Variants in INAVA observed in about 807,000 individuals in gnomAD.
INAVA encodes innate immunity activator protein.
A neutral mutation model predicts 55.3 loss-of-function variants in INAVA; 32 were observed. The ratio of observed to expected loss-of-function variants is 0.58; its 90% confidence interval spans 0.44 to 0.78. INAVA has a LOEUF of 0.78. Among genes scored for constraint, INAVA ranks in the 30% least tolerant of loss-of-function variants. The probability of loss-of-function intolerance (pLI) is 0.00; values close to 1 mark genes in which losing one functional copy is unlikely to be tolerated. For missense variants in INAVA, 756 were observed against 786.4 expected, an observed-to-expected ratio of 0.96 and a Z score of 0.46; for synonymous variants, 294 against 329.4, an observed-to-expected ratio of 0.89 and a Z score of 1.16.
Position 200,908,739 on chromosome 1 carries a change from A to C in INAVA, c.584A>C (p.Gln195Pro). ...TCTTTTACTCCTGCAGAGGAATCCCAAGTGCCAAAACCTCCTCCAGAGTCT... is the reference window on the plus strand; with the variant it reads ...TCTTTTACTCCTGCAGAGGAATCCCCAGTGCCAAAACCTCCTCCAGAGTCT... ...DGLLLEEEES[Q>P]VPKPPPESPA... is the part of the protein sequence containing the mutation. Residue 195 changes from glutamine to proline, a missense_variant, in exon 7 of 10, where the codon CAA becomes CCA. Coordinates refer to ENST00000413687, the MANE Select transcript of INAVA (RefSeq NM_001142569.3). The C allele has an allele frequency of 6.4e-7, 1 of 1,569,766 alleles. No homozygotes were observed. The highest frequency in any genetic ancestry group is 1.4e-5 in the African/African-American group (1 of 72,854).
chr1:200,910,269 C>T (rs1406564044), intron 8 of INAVA, among the ~76,000 whole-genome samples: 1 of 152,122 alleles, frequency 6.6e-6, no homozygotes, highest in Non-Finnish European at 1.5e-5. Flanking sequence ...TCTGCAGTGT[C>T]CAAGAATGAC....
intron 1 of INAVA, among the ~76,000 whole-genome samples, chr1:200,896,075 G>A (rs1204682264): frequency 1.3e-5 from 2 of 152,152 alleles, no homozygotes; most frequent in Admixed American, 6.5e-5. Context: ...GAGACGGGAG[G>A]CGTGCTAAGG....
intron 5 of INAVA, among the ~76,000 whole-genome samples, chr1:200,903,270 G>T (rs968363583): frequency 2.0e-5 from 3 of 152,224 alleles, no homozygotes; most frequent in Non-Finnish European, 4.4e-5. Flanking sequence ...CGGATCATGA[G>T]GTTAGGAGTT....
upstream of INAVA, among the ~76,000 whole-genome samples, chr1:200,892,224 A>C (rs1380691148): frequency 6.6e-6 from 1 of 152,010 alleles, no homozygotes; most frequent in Non-Finnish European, 1.5e-5. Context: ...GGGCTATTTC[A>C]CTTCTTCCTT....
intron 4 of INAVA, among the ~76,000 whole-genome samples, chr1:200,900,529 C>T (rs2102304685): frequency 6.6e-6 from 1 of 152,346 alleles, no homozygotes; most frequent in Admixed American, 6.5e-5. Flanking sequence ...ACAGGTTACT[C>T]TGGCCCCTAG....
In INAVA at chr1:200,908,838, G is replaced by A. The variant is rs777083397; in HGVS notation, c.683G>A (p.Ser228Asn). ...CAGCCAACAGGACCTGAGGCTGGGA[G>A]CCCAGAACGGGCTCCAGTCCAGAAC... ...GLQPTGPEAGSPERAPVQNSP... is the reference protein window; with the variant it reads ...GLQPTGPEAGNPERAPVQNSP... Residue 228 changes from serine (S) to asparagine (N), a missense_variant, in exon 7 of 10, where the codon AGC becomes AAC. This residue lies in a region of INAVA where 639 missense variants were observed against 624.3 expected (regional missense o/e 1.02). Coordinates refer to ENST00000413687, the MANE Select transcript of INAVA (RefSeq NM_001142569.3). The A allele has an allele frequency of 2.5e-6, 4 of 1,613,930 alleles. No homozygotes were observed. The South Asian group carries it at 4.4e-5, about 18-fold the overall frequency.
chr1:200,905,825 C>A (rs1653465152), intron 5 of INAVA, among the ~76,000 whole-genome samples: 1 of 152,210 alleles, frequency 6.6e-6, no homozygotes, highest in Non-Finnish European at 1.5e-5. Context: ...ATGGTTGGAA[C>A]TTTTTACTTT....
chr1:200,905,505 C>T (rs150373667), intron 5 of INAVA, among the ~76,000 whole-genome samples: 3 of 152,118 alleles, frequency 2.0e-5, no homozygotes, highest in African/African-American at 4.8e-5. Context: ...GAGCTGTGAT[C>T]GGGCCACTGC....
intron 2 of INAVA, 43 bp downstream of exon 2, chr1:200,898,498 T>C (rs1232547634): frequency 1.3e-6 from 2 of 1,596,148 alleles, no homozygotes; most frequent in African/African-American, 2.7e-5. Context: ...CCCTAGTCCC[T>C]GGTCCCTGGT....
At chr1:200,909,191 C>G in intron 7 of INAVA, 33 bp from the exon 8 acceptor site, 1 of 1,482,060 alleles carries the variant, frequency 6.7e-7, no homozygotes. Flanking sequence ...TGGAGGCATT[C>G]CTGCCACTGA....
At chr1:200,912,606 G>A (rs552581905) in intron 9 of INAVA, among the ~76,000 whole-genome samples, 2 of 152,240 alleles carry the variant, frequency 1.3e-5, no homozygotes, top group Admixed American at 6.5e-5. Flanking sequence ...CCACCAAGCC[G>A]AGAAGAAGGG....
chr1:200,905,096 A>G (rs1194680220), intron 5 of INAVA, among the ~76,000 whole-genome samples: 1 of 152,156 alleles, frequency 6.6e-6, no homozygotes, highest in Non-Finnish European at 1.5e-5. Context: ...ACCAGAATTC[A>G]GTAAGAGGGG....
chr1:200,903,570 C>T (rs1232538752), intron 5 of INAVA, among the ~76,000 whole-genome samples: 2 of 151,648 alleles, frequency 1.3e-5, no homozygotes, highest in South Asian at 2.1e-4. Flanking sequence ...TTTGGGAGGC[C>T]GAGGCGGGTG....
chr1:200,900,126 C>A lies in INAVA; in HGVS notation c.203C>A (p.Ala68Glu). Residue 68 changes from alanine (A) to glutamate (E), a missense_variant, in exon 4 of 10, where the codon GCG (alanine) becomes GAG (glutamate). Physicochemically the swap from Ala to Glu is moderately radical, Grantham distance 107. Around this residue, in one of 2 missense-constraint regions of INAVA, gnomAD observed 639 missense variants for 624.3 expected, o/e 1.02. Coordinates refer to ENST00000413687, the MANE Select transcript of INAVA (RefSeq NM_001142569.3). ...CAGGAGCTGACGGGCACCTTGCCAG[C>A]GGAGTATCCCCTCAAACCAGGGGAA... ...REAELTGTLP[A>E]EYPLKPGEKA... 2 of 1,613,516 alleles carry A rather than the reference C, an allele frequency of 1.2e-6. No homozygotes were observed. The highest frequency in any genetic ancestry group is 2.2e-5 in the East Asian group (1 of 44,850).
At chr1:200,896,666 T>C (rs1668357807) in intron 1 of INAVA, among the ~76,000 whole-genome samples, 1 of 152,254 alleles carries the variant, frequency 6.6e-6, no homozygotes. Context: ...GGTTGCTGTG[T>C]TGTTTATGTA....
chr1:200,903,348 G>T (rs373390981), intron 5 of INAVA, among the ~76,000 whole-genome samples: 1 of 151,946 alleles, frequency 6.6e-6, no homozygotes, highest in Admixed American at 6.6e-5. Context: ...GCCAGACATG[G>T]TGGTGCATGT....
At chr1:200,899,899 G>A (rs553390988) in intron 3 of INAVA, among the ~76,000 whole-genome samples, 2 of 152,226 alleles carry the variant, frequency 1.3e-5, no homozygotes, top group Non-Finnish European at 2.9e-5. Flanking sequence ...TCTGGAGGAA[G>A]TGATCAGAAA....
chr1:200,899,545 C>G lies in INAVA; in HGVS notation c.128C>G (p.Ala43Gly), dbSNP rs181832255. Residue 43 changes from alanine to glycine, a missense_variant, in exon 3 of 10, where the codon GCG becomes GGG. This residue lies in a region of INAVA where 639 missense variants were observed against 624.3 expected (regional missense o/e 1.02). Transcript: ENST00000413687. ...CACAAGCAGCAGAGGGCCCTGGAAG[C>G]GAGGCTGGAGGCCTGCCTGGAGGAG... The part of the protein sequence containing the change: ...AVHKQQRALE[A>G]RLEACLEELR... 1.2e-6 allele frequency: 2 copies of G among 1,613,680 alleles called. No individual in the cohort carries two copies. Among genetic ancestry groups the G allele is most frequent in the Non-Finnish European group, 1.7e-6 (2 of 1,179,898 alleles).
At chr1:200,902,055 C>T (rs116524140) in intron 5 of INAVA, among the ~76,000 whole-genome samples, 2,469 of 152,306 alleles carry the variant, frequency 0.016, 64 homozygotes, top group African/African-American at 0.056. Context: ...CCGTCTCTCA[C>T]ATGGGACCCA....
Sources: gnomAD v4.1 joint callset for allele counts (sites outside exome capture counted in the v4.1 genomes callset) on GRCh38, gnomAD v4.1.1 for gene constraint, gnomAD v4.1.1 regional missense constraint, MANE v1.5 for transcripts, NCBI Gene and HGNC (gene_info 2026-07-23, HGNC 2026-07-21) for gene names.